Variants in EPHA6 observed in about 807,000 individuals in gnomAD.
EPHA6 encodes EPH receptor A6.
Under a neutral mutation model 112.0 loss-of-function variants are expected in EPHA6, and 50 were observed. The ratio of observed to expected loss-of-function variants is 0.45; its 90% CI spans 0.36 to 0.56. The LOEUF (loss-of-function observed/expected upper bound fraction) is 0.56. EPHA6 is among the 20% of genes least tolerant of loss of function. The probability of loss-of-function intolerance (pLI) is 0.00; values close to 1 mark genes in which losing one functional copy is unlikely to be tolerated. For synonymous variants in EPHA6, 529 were observed against 490.7 expected (o/e 1.08, Z -1.03); for missense variants, 1,280 against 1,417.4 (o/e 0.90, Z 1.56).
At chr3:97,318,393 T>A (rs1216833941) in intron 5 of EPHA6, among the ~76,000 whole-genome samples, 2 of 152,038 alleles carry the variant, frequency 1.3e-5, no homozygotes, top group Non-Finnish European at 2.9e-5. Flanking sequence ...TAGTTGGAAC[T>A]TAGCCTCTGG....
At chr3:97,411,703 A>C (rs2087728201) in intron 6 of EPHA6, among the ~76,000 whole-genome samples, 1 of 152,088 alleles carries the variant, frequency 6.6e-6, no homozygotes, top group Non-Finnish European at 1.5e-5. Flanking sequence ...CGAATTAAGA[A>C]GAGACAAGCC....
chr3:97,457,327 G>A (rs1355756844), intron 7 of EPHA6, among the ~76,000 whole-genome samples: 1 of 152,136 alleles, frequency 6.6e-6, no homozygotes, highest in African/African-American at 2.4e-5. Flanking sequence ...ATGCTGAGAC[G>A]AAGTTGGCCT....
intron 3 of EPHA6, among the ~76,000 whole-genome samples, chr3:97,106,038 G>GT (rs1200034354): frequency 6.6e-6 from 1 of 152,050 alleles, no homozygotes; most frequent in Non-Finnish European, 1.5e-5. Flanking sequence ...GAGCCTAAGG[G>GT]TGTTATTGCA....
intron 16 of EPHA6, among the ~76,000 whole-genome samples, chr3:97,739,585 GAGTACCTAA>G (rs2035415984): frequency 6.6e-6 from 1 of 152,114 alleles, no homozygotes; most frequent in Non-Finnish European, 1.5e-5. Context: ...TCAAAGGTCA[GAGTACCTAA>G]ATTGAAAACA....
chr3:97,245,669 T>C (rs1230612607), intron 5 of EPHA6, among the ~76,000 whole-genome samples: 1 of 151,962 alleles, frequency 6.6e-6, no homozygotes, highest in Non-Finnish European at 1.5e-5. Context: ...TGATATAATA[T>C]AATTACAGAT....
intron 2 of EPHA6, among the ~76,000 whole-genome samples, chr3:96,978,492 A>G (rs1329291658): frequency 1.3e-5 from 2 of 152,188 alleles, no homozygotes; most frequent in East Asian, 1.9e-4. Flanking sequence ...AGGCTTTTAG[A>G]TCTATATCAA....
At chr3:96,855,863 A>G (rs1414556585) in intron 1 of EPHA6, among the ~76,000 whole-genome samples, 1 of 152,156 alleles carries the variant, frequency 6.6e-6, no homozygotes, top group Non-Finnish European at 1.5e-5. Context: ...AAGTCTATAC[A>G]ACTCTTATTA....
intron 10 of EPHA6, among the ~76,000 whole-genome samples, chr3:97,490,221 A>G (rs984469540): frequency 1.3e-5 from 2 of 152,212 alleles, no homozygotes; most frequent in Non-Finnish European, 2.9e-5. Context: ...ATGAAGTATG[A>G]CAATATAAAA....
chr3:96,865,742 A>G (rs2107450664), intron 1 of EPHA6, among the ~76,000 whole-genome samples: 1 of 151,860 alleles, frequency 6.6e-6, no homozygotes, highest in Admixed American at 6.6e-5. Context: ...CTTCCTTAAC[A>G]AGATGAAAAA....
rs2107498461 is a variant in EPHA6, at chr3:97,484,020, G to C, written c.2161G>C (p.Asp721His). 6.2e-7 allele frequency: 1 copy of C among 1,610,038 alleles called. No individual in the cohort carries two copies. The highest frequency in any genetic ancestry group is 1.7e-5 in the Admixed American group (1 of 59,450). The change falls in exon 10 of 18, where the codon GAT becomes CAT. Residue 721 changes from aspartate to histidine, a missense_variant. Physicochemically the swap from Asp to His is moderately conservative, Grantham distance 81. Around this residue, in one of 4 missense-constraint regions of EPHA6, gnomAD observed 878 missense variants for 999.7 expected, o/e 0.88. Transcript: ENST00000389672. ...LAVHEFAKEIDPSRIRIERVI... is the reference protein window; with the variant it reads ...LAVHEFAKEIHPSRIRIERVI... ...AGTCCATGAATTTGCAAAGGAGATT[G>C]ATCCCTCAAGAATTCGTATTGAGAG...
intron 2 of EPHA6, among the ~76,000 whole-genome samples, chr3:96,874,471 A>T (rs2036829452): frequency 6.6e-6 from 1 of 152,088 alleles, no homozygotes; most frequent in Non-Finnish European, 1.5e-5. Flanking sequence ...TAGGCTAATT[A>T]AGTGTAAAAT....
chr3:97,650,028 T>C (rs1277831578), intron 14 of EPHA6, among the ~76,000 whole-genome samples: 2 of 152,130 alleles, frequency 1.3e-5, no homozygotes, highest in African/African-American at 4.8e-5. Flanking sequence ...GATACTCTAA[T>C]CATCTAATAC....
At chr3:97,058,050 A>C (rs2045905023) in intron 3 of EPHA6, among the ~76,000 whole-genome samples, 1 of 133,130 alleles carries the variant, frequency 7.5e-6, no homozygotes, top group African/African-American at 2.8e-5. Flanking sequence ...TTTAGTTGTA[A>C]AAAGTGAAAA....
chr3:97,559,521 A>T, intron 11 of EPHA6: 1 of 408,600 alleles, frequency 2.4e-6, no homozygotes, highest in Non-Finnish European at 4.8e-6. Context: ...AAGAAATCAG[A>T]GTGACTGAGT....
At chr3:96,883,042 C>T (rs1034113650) in intron 2 of EPHA6, among the ~76,000 whole-genome samples, 2 of 152,126 alleles carry the variant, frequency 1.3e-5, no homozygotes, top group African/African-American at 2.4e-5. Flanking sequence ...GTATTCCCAC[C>T]AGCAGTGTAG....
rs2078750628 is a variant in EPHA6, at chr3:97,238,629, T to G, written c.1271-5323T>G. Among the ~76,000 whole-genome samples the G allele has an allele frequency of 1.3e-5, 2 of 151,940 alleles. 1 individual carries two copies. Among genetic ancestry groups the G allele is most frequent in the Admixed American group, 1.3e-4 (2 of 15,192 alleles). ...GAGTGAAACAAATTATGTGAAATAT[T>G]AAGTACACCCCTTACAGTTAGCTAT... On this transcript the variant is annotated intron_variant, in intron 4 of 17. Coordinates refer to ENST00000389672, the MANE Select transcript of EPHA6 (RefSeq NM_001080448.3).
chr3:97,343,872 A>G (rs1202913180), intron 5 of EPHA6, among the ~76,000 whole-genome samples: 2 of 152,176 alleles, frequency 1.3e-5, no homozygotes, highest in African/African-American at 4.8e-5. Flanking sequence ...ATGCCACACC[A>G]GTGGGCCCAT....
chr3:97,334,912 A>G (rs1206965636), intron 5 of EPHA6, among the ~76,000 whole-genome samples: 1 of 152,072 alleles, frequency 6.6e-6, no homozygotes, highest in Non-Finnish European at 1.5e-5. Flanking sequence ...AATGTACTCT[A>G]TATGATTTTA....
intron 2 of EPHA6, among the ~76,000 whole-genome samples, chr3:96,913,354 A>C (rs1336308184): frequency 6.6e-6 from 1 of 150,522 alleles, no homozygotes; most frequent in East Asian, 1.9e-4. Context: ...TGGGTGACAG[A>C]GTGAGACCCT....
Sources: gnomAD v4.1 joint callset for allele counts (sites outside exome capture counted in the v4.1 genomes callset) on GRCh38, gnomAD v4.1.1 for gene constraint, gnomAD v4.1.1 regional missense constraint, MANE v1.5 for transcripts, NCBI Gene and HGNC (gene_info 2026-07-23, HGNC 2026-07-21) for gene names.